THSD7B: variants seen among roughly 807,000 people sequenced by gnomAD.
THSD7B encodes thrombospondin type-1 domain-containing protein 7B.
A neutral mutation model predicts 213.6 loss-of-function variants in THSD7B; 138 were observed. The ratio of observed to expected loss-of-function variants is 0.65; its 90% CI spans 0.56 to 0.74. The LOEUF (loss-of-function observed/expected upper bound fraction) is 0.74. Among genes scored for constraint, THSD7B ranks in the 30% least tolerant of loss-of-function variants. The pLI is 0.00. For synonymous variants in THSD7B, 742 were observed against 687.0 expected, an observed-to-expected ratio of 1.08 and a Z score of -1.25; for missense variants, 1,931 against 1,991.5, an observed-to-expected ratio of 0.97 and a Z score of 0.58.
At chr2:137,261,915 CAAAA>C (rs369579882) in intron 10 of THSD7B, among the ~76,000 whole-genome samples, 122 of 54,858 alleles carry the variant, frequency 2.2e-3, no homozygotes, top group Non-Finnish European at 3.9e-3. Flanking sequence ...GAAAGTTTGT[CAAAA>C]AAAAAAAAAA....
At chr2:137,466,790 G>A (rs530746936) in intron 15 of THSD7B, among the ~76,000 whole-genome samples, 2 of 152,220 alleles carry the variant, frequency 1.3e-5, no homozygotes, top group South Asian at 4.1e-4. Context: ...ATAGCAAGAA[G>A]TCCAGAGGTT....
At position 137,487,864 on chromosome 2, in the gene THSD7B, C is replaced by T. The variant is rs1313492043; in HGVS notation, c.3138+36841C>T. On this transcript the variant is annotated intron_variant, in intron 15 of 27. Coordinates refer to ENST00000409968, the MANE Select transcript of THSD7B (RefSeq NM_001316349.2). ...CTGCAAGCTCCGCCTCCCGGGTTCA[C>T]GCCATTCTCCTGCCTCAGCCTCCCA... 4.7e-4 allele frequency among the ~76,000 whole-genome samples: 21 copies of T among 44,444 alleles called. 7 individuals carry two copies. Among genetic ancestry groups the T allele is most frequent in the African/African-American group, 1.3e-3 (21 of 16,392 alleles). The allele number at this position is 44,444 out of a possible 152,430, so 29.2% of individuals were successfully genotyped here. A position where few individuals can be genotyped will look rare whatever the true frequency, so the allele number is the denominator to read the frequency against.
In THSD7B at chr2:137,273,242, A is replaced by G. The variant is rs116287128; in HGVS notation, c.2396+580A>G. On this transcript the variant is annotated intron_variant, in intron 11 of 27. Coordinates refer to ENST00000409968, the MANE Select transcript of THSD7B (RefSeq NM_001316349.2). ...AGAAGAAAACGTTTAACTTAGGGAT[A>G]AAATTTTTTATTACAAAAAGAAAAT... is the stretch of plus-strand genomic sequence containing the variant. Among the ~76,000 whole-genome samples the G allele has an allele frequency of 5.9e-3, 899 of 152,222 alleles. 9 individuals carry two copies. The highest frequency in any genetic ancestry group is 0.02 in the African/African-American group (816 of 41,552).
At chr2:136,802,642 T>C (rs1682207092) in intron 1 of THSD7B, among the ~76,000 whole-genome samples, 1 of 60,372 alleles carries the variant, frequency 1.7e-5, no homozygotes, top group Non-Finnish European at 2.9e-5. Context: ...ATTAAGTTTA[T>C]ATATATATAT....
chr2:137,624,186 C>T (rs1573749921), intron 20 of THSD7B, among the ~76,000 whole-genome samples: 1 of 152,162 alleles, frequency 6.6e-6, no homozygotes, highest in African/African-American at 2.4e-5. Flanking sequence ...CATCTACAAC[C>T]ATCTGATCTT....
chr2:136,865,488 G>C (rs1256791004), intron 1 of THSD7B, among the ~76,000 whole-genome samples: 3 of 152,094 alleles, frequency 2.0e-5, no homozygotes, highest in African/African-American at 4.8e-5. Flanking sequence ...TACTGCACAG[G>C]GTATTAGAGA....
intron 2 of THSD7B, among the ~76,000 whole-genome samples, chr2:136,905,582 G>T (rs772358962): frequency 6.6e-6 from 1 of 152,190 alleles, no homozygotes; most frequent in East Asian, 1.9e-4. Flanking sequence ...AGTCAGGTTT[G>T]TAGTCATCCT....
intron 7 of THSD7B, among the ~76,000 whole-genome samples, chr2:137,186,908 A>G (rs1250911039): frequency 2.6e-5 from 4 of 151,858 alleles, no homozygotes; most frequent in African/African-American, 9.7e-5. Context: ...AGTTCTTTTT[A>G]TAGAGATCTT....
intron 12 of THSD7B, among the ~76,000 whole-genome samples, chr2:137,390,188 AT>A (rs1175175067): frequency 1.3e-5 from 2 of 152,074 alleles, no homozygotes; most frequent in African/African-American, 4.8e-5. Context: ...TGAGCGTGGG[AT>A]GTCCTTCCAT....
intron 12 of THSD7B, among the ~76,000 whole-genome samples, chr2:137,347,555 ATT>A (rs5834547): frequency 0.068 from 9,137 of 135,270 alleles, 742 homozygotes; most frequent in African/African-American, 0.19. Context: ...ACTGATATTG[ATT>A]TTTTTTTTTT....
At chr2:136,941,545 A>G (rs546826153) in intron 2 of THSD7B, among the ~76,000 whole-genome samples, 2 of 152,304 alleles carry the variant, frequency 1.3e-5, no homozygotes, top group Admixed American at 1.3e-4. Context: ...AATGATCACC[A>G]TTCTAACTGG....
chr2:137,367,592 C>G (rs1308007167), intron 12 of THSD7B, among the ~76,000 whole-genome samples: 1 of 152,134 alleles, frequency 6.6e-6, no homozygotes, highest in Non-Finnish European at 1.5e-5. Flanking sequence ...TGTAATCTTT[C>G]TAACCTATAT....
intron 20 of THSD7B, among the ~76,000 whole-genome samples, chr2:137,639,454 G>A (rs752111431): frequency 6.6e-6 from 1 of 152,218 alleles, no homozygotes; most frequent in African/African-American, 2.4e-5. Context: ...CTAGGGCAGT[G>A]CAGAAGGGAA....
intron 1 of THSD7B, among the ~76,000 whole-genome samples, chr2:136,777,904 A>G (rs1681644283): frequency 6.6e-6 from 1 of 152,206 alleles, no homozygotes; most frequent in Non-Finnish European, 1.5e-5. Context: ...TGCCTAATAC[A>G]CAGACATAAT....
At chr2:137,328,927 G>A (rs1452656494) in intron 12 of THSD7B, among the ~76,000 whole-genome samples, 1 of 152,160 alleles carries the variant, frequency 6.6e-6, no homozygotes, top group Non-Finnish European at 1.5e-5. Flanking sequence ...TGAACTGTGA[G>A]TCAACTAAAC....
chr2:137,039,425 G>GT (rs1261440743), intron 2 of THSD7B, among the ~76,000 whole-genome samples: 1 of 152,208 alleles, frequency 6.6e-6, no homozygotes, highest in East Asian at 1.9e-4. Context: ...CGGAGAGGGG[G>GT]TTGGTGATAC....
intron 12 of THSD7B, among the ~76,000 whole-genome samples, chr2:137,281,370 T>A (rs2104817995): frequency 6.6e-6 from 1 of 152,154 alleles, no homozygotes; most frequent in East Asian, 1.9e-4. Flanking sequence ...TTTATTTATT[T>A]TTTTACTGGA....
intron 12 of THSD7B, among the ~76,000 whole-genome samples, chr2:137,284,802 G>A (rs1025830641): frequency 5.9e-5 from 9 of 152,068 alleles, no homozygotes; most frequent in African/African-American, 1.9e-4. Flanking sequence ...CATTTGCTGA[G>A]GAGTGCTTTA....
chr2:136,838,798 T>C (rs1645225133), intron 1 of THSD7B, among the ~76,000 whole-genome samples: 1 of 152,188 alleles, frequency 6.6e-6, no homozygotes, highest in Admixed American at 6.5e-5. Flanking sequence ...GTGCTTTGGG[T>C]ACCATACTGG....
Sources: allele counts gnomAD v4.1 joint callset (sites outside exome capture counted in the v4.1 genomes callset), GRCh38; gene constraint gnomAD v4.1.1; transcripts MANE v1.5; gene names NCBI Gene and HGNC (gene_info 2026-07-23, HGNC 2026-07-21).